The following AK5 variants were observed in gnomAD, a reference collection of about 807,000 sequenced individuals.
AK5 encodes adenylate kinase isoenzyme 5.
AK5 carries 27 observed loss-of-function variants against 69.5 expected under a neutral mutation model. The observed-to-expected ratio is 0.39, with a 90% CI of 0.29 to 0.54. The LOEUF is 0.54. AK5 is among the 20% of genes least tolerant of loss of function. The pLI is 0.71. For missense variants in AK5, 531 were observed against 700.4 expected (o/e 0.76, Z 2.73); for synonymous variants, 260 against 244.4 (o/e 1.06, Z -0.60).
chr1:77,512,038 G>A (rs1657378812), intron 10 of AK5, among the ~76,000 whole-genome samples: 1 of 152,188 alleles, frequency 6.6e-6, no homozygotes, highest in East Asian at 1.9e-4. Context: ...TAGTGATGAA[G>A]GTCATTGGTG....
Position 77,311,818 on chromosome 1 carries a change from C to T in AK5, c.699+13871C>T, listed in dbSNP as rs549540274. Among the ~76,000 whole-genome samples, 4 of 152,192 alleles carry T rather than the reference C, an allele frequency of 2.6e-5. No individual in the cohort carries two copies. In the South Asian group the frequency reaches 8.3e-4, roughly 32 times the overall value. On this transcript the variant is annotated intron_variant, in intron 5 of 13. Coordinates refer to ENST00000354567, the MANE Select transcript of AK5 (RefSeq NM_174858.3). Reference sequence around the variant, plus strand: ...GTGTTAAAGGCTGCCCAGAACAGTTCTGATTTTGTTCTGTTCTGAGGTTCC... The same window carrying T: ...GTGTTAAAGGCTGCCCAGAACAGTTTTGATTTTGTTCTGTTCTGAGGTTCC...
At chr1:77,421,579 A>G (rs1180600520) in intron 8 of AK5, among the ~76,000 whole-genome samples, 3 of 152,232 alleles carry the variant, frequency 2.0e-5, no homozygotes, top group East Asian at 1.9e-4. Context: ...CACATTCAGT[A>G]GCAACCCTAG....
chr1:77,486,547 A>T (rs932896060), intron 10 of AK5, among the ~76,000 whole-genome samples, 195 bp downstream of exon 10: 1 of 152,010 alleles, frequency 6.6e-6, no homozygotes, highest in Non-Finnish European at 1.5e-5. Context: ...TACAAAAAAA[A>T]ATTAGCCGGG....
chr1:77,515,301 G>C (rs911747077), intron 10 of AK5, among the ~76,000 whole-genome samples: 1 of 152,152 alleles, frequency 6.6e-6, no homozygotes, highest in Non-Finnish European at 1.5e-5. Flanking sequence ...AAGGGGGAAG[G>C]AGGGGCCCTT....
chr1:77,464,231 G>A (rs1456366430), intron 8 of AK5, among the ~76,000 whole-genome samples: 3 of 152,120 alleles, frequency 2.0e-5, no homozygotes, highest in Non-Finnish European at 4.4e-5. Flanking sequence ...CAAGGCCAGA[G>A]TCCCCTGCTA....
intron 6 of AK5, among the ~76,000 whole-genome samples, chr1:77,373,032 C>T (rs935745178): frequency 6.6e-6 from 1 of 152,014 alleles, no homozygotes; most frequent in Non-Finnish European, 1.5e-5. Flanking sequence ...TCTTTATGTC[C>T]ACACTTTTAA....
intron 5 of AK5, among the ~76,000 whole-genome samples, chr1:77,301,286 A>C (rs1030893893): frequency 6.6e-6 from 1 of 152,200 alleles, no homozygotes; most frequent in African/African-American, 2.4e-5. Flanking sequence ...TTGTCATCAC[A>C]TATGGGTTCC....
chr1:77,550,803 A>G (rs1355466425), intron 13 of AK5, among the ~76,000 whole-genome samples: 2 of 152,252 alleles, frequency 1.3e-5, no homozygotes, highest in Non-Finnish European at 2.9e-5. Flanking sequence ...GCTAACCTGT[A>G]GAATGAAAGG....
chr1:77,349,945 C>T lies in AK5; in HGVS notation c.891+9377C>T, dbSNP rs184108847. 2.6e-5 allele frequency among the ~76,000 whole-genome samples: 4 copies of T among 152,290 alleles called. No homozygotes were observed. In the East Asian group the frequency reaches 5.8e-4, roughly 22 times the overall value. On this transcript the variant is annotated intron_variant, in intron 6 of 13. Transcript: ENST00000354567. ...TCCTTTTATAGTCATTCATTCAAAC[C>T]ATTTTATTGAGGGCCTATGTATTCA...
intron 6 of AK5, among the ~76,000 whole-genome samples, chr1:77,350,270 A>G (rs1182068221): frequency 6.6e-6 from 1 of 152,218 alleles, no homozygotes; most frequent in East Asian, 1.9e-4. Flanking sequence ...AGATTAGGGA[A>G]GGCTTTCCTG....
At chr1:77,452,277 G>A (rs556352994) in intron 8 of AK5, among the ~76,000 whole-genome samples, 1 of 152,054 alleles carries the variant, frequency 6.6e-6, no homozygotes, top group Non-Finnish European at 1.5e-5. Flanking sequence ...ACATACTTCT[G>A]TATCAACACT....
chr1:77,549,960 A>T (rs921380251), intron 13 of AK5, among the ~76,000 whole-genome samples: 55 of 148,666 alleles, frequency 3.7e-4, no homozygotes, highest in East Asian at 2.0e-4. Flanking sequence ...TTATTTATTT[A>T]TTTTTTTTTT....
intron 8 of AK5, among the ~76,000 whole-genome samples, chr1:77,483,019 AAAAAAAAAAAAAAAAAAAAAAG>A (rs1655362423): frequency 8.2e-6 from 1 of 122,138 alleles, no homozygotes; most frequent in Admixed American, 8.0e-5. Flanking sequence ...AAAAAAAAAA[AAAAAAAAAAAAAAAAAAAAAAG>A]AGGTGAGATA....
At position 77,287,207 on chromosome 1, in the gene AK5, T is replaced by G. The variant is rs560926484; in HGVS notation, c.247+80T>G. 9 of 1,050,566 alleles carry G rather than the reference T, an allele frequency of 8.6e-6. No individual in the cohort carries two copies. The African/African-American group carries it at 1.5e-4, about 17-fold the overall frequency. 65.1% of individuals were successfully genotyped at this position (1,050,566 alleles called of 1,614,324 possible). Reference sequence around the variant, plus strand: ...AACATGCCATATAGACTATACACAGTGATTTCATTTTTTGAGTTTATAAAT... The same window carrying G: ...AACATGCCATATAGACTATACACAGGGATTTCATTTTTTGAGTTTATAAAT... On this transcript the variant is annotated intron_variant, in intron 2 of 13. Transcript: ENST00000354567.
At position 77,558,521 on chromosome 1, in the gene AK5, G is replaced by GC. The variant is rs767839887; in HGVS notation, c.1621-80dup. Reference sequence around the variant, plus strand: ...TAAAATTTTGCAGAGCAAATTATGAGCAAGTGATAGTGTTCTTTCATTATT... The same window carrying GC: ...TAAAATTTTGCAGAGCAAATTATGAGCCAAGTGATAGTGTTCTTTCATTATT... On this transcript the variant is annotated intron_variant, in intron 13 of 13. Transcript: ENST00000354567. 1,994 of 889,964 alleles carry GC rather than the reference G, an allele frequency of 2.2e-3. 7 individuals carry two copies. Among genetic ancestry groups the GC allele is most frequent in the Non-Finnish European group, 3.1e-3 (1,723 of 557,338 alleles). The allele number at this position is 889,964 out of a possible 1,614,324, so 55.1% of individuals were successfully genotyped here. A position where few individuals can be genotyped will look rare whatever the true frequency, so the allele number is the denominator to read the frequency against.
rs146799955 is a variant in AK5, at chr1:77,329,673, A to G, written c.700-10704A>G. Among the ~76,000 whole-genome samples, 3 of 152,344 alleles carry G rather than the reference A, an allele frequency of 2.0e-5. No individual in the cohort carries two copies. In the East Asian group the frequency reaches 5.8e-4, roughly 29 times the overall value. The stretch of plus-strand genomic sequence containing the variant: ...CCTTTGCTGTGAAACTTTGTTATCA[A>G]ATCCAAGGGGAGTCCCAAAATGCTA... On this transcript the variant is annotated intron_variant, in intron 5 of 13. Coordinates refer to ENST00000354567, the MANE Select transcript of AK5 (RefSeq NM_174858.3).
Position 77,411,811 on chromosome 1 carries a change from A to G in AK5, c.982+740A>G, listed in dbSNP as rs76604703. Among the ~76,000 whole-genome samples, 6 of 152,292 alleles carry G rather than the reference A, an allele frequency of 3.9e-5. No individual in the cohort carries two copies. In the East Asian group the frequency reaches 9.6e-4, roughly 24 times the overall value. ...TAAACACTTAACATTTTAAATCACT[A>G]TTTGAAGCCACCTAAGAGTAGCTTC... is the stretch of plus-strand genomic sequence containing the variant. On this transcript the variant is annotated intron_variant, in intron 7 of 13. Coordinates refer to ENST00000354567, the MANE Select transcript of AK5 (RefSeq NM_174858.3).
At chr1:77,438,086 G>A (rs1462050743) in intron 8 of AK5, among the ~76,000 whole-genome samples, 3 of 151,970 alleles carry the variant, frequency 2.0e-5, no homozygotes, top group Non-Finnish European at 4.4e-5. Flanking sequence ...TGGAACTACT[G>A]TAATTTGAAA....
At position 77,543,420 on chromosome 1, in the gene AK5, A is replaced by G. The variant is rs192743036; in HGVS notation, c.1620+7382A>G. Reference sequence around the variant, plus strand: ...TTTTGAGTTCAATTTCTCATTGAATATCTGAGAATGCCATTATAGTGGCTT... The same window carrying G: ...TTTTGAGTTCAATTTCTCATTGAATGTCTGAGAATGCCATTATAGTGGCTT... On this transcript the variant is annotated intron_variant, in intron 13 of 13. Transcript: ENST00000354567. 3.8e-3 allele frequency among the ~76,000 whole-genome samples: 572 copies of G among 152,284 alleles called. 3 individuals are homozygous for G. The highest frequency in any genetic ancestry group is 5.7e-3 in the Non-Finnish European group (389 of 68,030).
Sources: allele counts gnomAD v4.1 joint callset (sites outside exome capture counted in the v4.1 genomes callset), GRCh38; gene constraint gnomAD v4.1.1; transcripts MANE v1.5; gene names NCBI Gene and HGNC (gene_info 2026-07-23, HGNC 2026-07-21).